FAM53A: variants seen among roughly 807,000 people sequenced by gnomAD.
The protein encoded by FAM53A is protein FAM53A.
In FAM53A, 28 loss-of-function variants were observed where a neutral mutation model predicts 26.6. The observed-to-expected ratio is 1.05, with a 90% CI of 0.78 to 1.45. The LOEUF is 1.45. FAM53A is among the 40% of genes most tolerant of loss of function. The pLI is 0.00. For missense variants in FAM53A, 650 were observed against 575.8 expected, an observed-to-expected ratio of 1.13 and a Z score of -1.32; for synonymous variants, 290 against 253.1, an observed-to-expected ratio of 1.15 and a Z score of -1.38.
At chr4:1,670,730 G>A (rs1714578173) in intron 1 of FAM53A, among the ~76,000 whole-genome samples, 1 of 152,206 alleles carries the variant, frequency 6.6e-6, no homozygotes, top group South Asian at 2.1e-4. Flanking sequence ...TTCAGAAGGA[G>A]GCCTCTCCAC....
chr4:1,588,083 C>T, the FAM53A span, among the ~76,000 whole-genome samples: 1 of 152,212 alleles, frequency 6.6e-6, no homozygotes, highest in African/African-American at 2.4e-5. Flanking sequence ...ATCCTTAATG[C>T]TAAGTCAGCC....
At chr4:1,606,586 G>A in the FAM53A span, among the ~76,000 whole-genome samples, 1 of 152,000 alleles carries the variant, frequency 6.6e-6, no homozygotes. Flanking sequence ...ATAATGACAA[G>A]TGCATAAACG....
At chr4:1,672,324 A>G (rs77241843) in intron 1 of FAM53A, among the ~76,000 whole-genome samples, 6 of 62,208 alleles carry the variant, frequency 9.6e-5, no homozygotes, top group Admixed American at 1.4e-4. Flanking sequence ...ATGGACCCAC[A>G]AACCCAGGAA....
At chr4:1,638,431 C>G (rs967280394), downstream of FAM53A, among the ~76,000 whole-genome samples, 3 of 152,186 alleles carry the variant, frequency 2.0e-5, no homozygotes, top group African/African-American at 7.2e-5. Flanking sequence ...AGGGCCCCAC[C>G]AACCAGACAC....
intron 4 of FAM53A, among the ~76,000 whole-genome samples, chr4:1,652,704 A>T (rs555791604): frequency 6.8e-6 from 1 of 147,856 alleles, no homozygotes; most frequent in East Asian, 2.0e-4. Context: ...CACCACACAC[A>T]GAACACACAC....
intron 4 of FAM53A, among the ~76,000 whole-genome samples, chr4:1,652,208 TGCCACAC>T (rs1712888991): frequency 2.5e-5 from 2 of 79,638 alleles, no homozygotes; most frequent in African/African-American, 5.2e-5. Context: ...ACACCACACA[TGCCACAC>T]ACACCACACA....
chr4:1,604,287 C>A, the FAM53A span, among the ~76,000 whole-genome samples: 1 of 152,168 alleles, frequency 6.6e-6, no homozygotes, highest in Non-Finnish European at 1.5e-5. Flanking sequence ...ACGTGTGCAG[C>A]GGCCGGAGTA....
At chr4:1,644,185 G>C in intron 4 of FAM53A, 1 of 1,535,626 alleles carries the variant, frequency 6.5e-7, no homozygotes, top group Non-Finnish European at 8.7e-7. Flanking sequence ...GGGACGCTAC[G>C]CACCTTCAGG....
chr4:1,675,798 A>G (rs1032662190), intron 1 of FAM53A, among the ~76,000 whole-genome samples: 1 of 151,636 alleles, frequency 6.6e-6, no homozygotes, highest in African/African-American at 2.4e-5. Flanking sequence ...TGGTCCTCCA[A>G]CTCCCCCATC....
intron 4 of FAM53A, among the ~76,000 whole-genome samples, chr4:1,650,181 G>A (rs1438719545): frequency 7.3e-6 from 1 of 136,384 alleles, no homozygotes; most frequent in African/African-American, 2.8e-5. Context: ...GCACAGGCGT[G>A]GCGTTTGACT....
At chr4:1,683,396 A>G (rs1205323360) in intron 1 of FAM53A, 2 of 152,224 alleles carry the variant, frequency 1.3e-5, no homozygotes, top group Admixed American at 1.3e-4. Context: ...ACGGAAGCAC[A>G]TTCTTTTCCT....
intron 1 of FAM53A, among the ~76,000 whole-genome samples, chr4:1,669,981 G>A (rs1433972085): frequency 6.6e-6 from 1 of 152,230 alleles, no homozygotes; most frequent in African/African-American, 2.4e-5. Context: ...AGGGCGGACA[G>A]GACGCCAAAG....
At chr4:1,684,017 CTCGCCTCGTGCGGAAAAG>C (rs1174332099) in intron 1 of FAM53A, 198 bp downstream of exon 1, 51 of 152,206 alleles carry the variant, frequency 3.4e-4, no homozygotes, top group Admixed American at 3.3e-3. Context: ...CAGGGCGGGC[CTCGCCTCGTGCGGAAAAG>C]TCGCCTCGAC....
intron 4 of FAM53A, chr4:1,644,103 C>T (rs1245974697): frequency 6.0e-5 from 88 of 1,470,340 alleles, no homozygotes; most frequent in Non-Finnish European, 7.5e-5. Flanking sequence ...CTCTGGCTGC[C>T]GTGCTGCCCA....
downstream of FAM53A, among the ~76,000 whole-genome samples, chr4:1,635,926 C>T (rs1715820420): frequency 6.9e-6 from 1 of 145,164 alleles, no homozygotes; most frequent in South Asian, 2.2e-4. Flanking sequence ...TCACTGCAAG[C>T]TCTGCCTTCT....
intron 2 of FAM53A, among the ~76,000 whole-genome samples, chr4:1,668,108 T>C (rs115973317): frequency 0.014 from 2,100 of 151,478 alleles, 46 homozygotes; most frequent in African/African-American, 0.049. Flanking sequence ...AAGTCAGCCT[T>C]TCAGTAAAAC....
intron 1 of FAM53A, among the ~76,000 whole-genome samples, chr4:1,618,980 G>A (rs1714914423): frequency 6.6e-6 from 1 of 152,218 alleles, no homozygotes; most frequent in Non-Finnish European, 1.5e-5. Context: ...CAGCAACGCT[G>A]CTCCACGCTG....
At chr4:1,679,484 G>A (rs1275164575) in intron 1 of FAM53A, among the ~76,000 whole-genome samples, 9 of 146,130 alleles carry the variant, frequency 6.2e-5, no homozygotes, top group Non-Finnish European at 7.5e-5. Context: ...TCAGGAGTTC[G>A]AGACCAGCCT....
At chr4:1,655,929 ACTTCTTAAAGGGGACACCGTGTCTGAAGG>A in intron 3 of FAM53A, among the ~76,000 whole-genome samples, 1 of 151,874 alleles carries the variant, frequency 6.6e-6, no homozygotes, top group Non-Finnish European at 1.5e-5. Context: ...GGCTCGGCTC[ACTTCTTAAAGGGGACACCGTGTCTGAAGG>A]AGGTGTCAGC....
Sources: allele counts gnomAD v4.1 joint callset (sites outside exome capture counted in the v4.1 genomes callset), GRCh38; gene constraint gnomAD v4.1.1; transcripts MANE v1.5; gene names NCBI Gene and HGNC (gene_info 2026-07-23, HGNC 2026-07-21).